JAKMIP1: variants seen among roughly 807,000 people sequenced by gnomAD.
JAKMIP1 encodes the protein janus kinase and microtubule-interacting protein 1.
JAKMIP1 carries 33 observed loss-of-function variants against 113.0 expected under a neutral mutation model. The ratio of observed to expected loss-of-function variants is 0.29; its 90% CI spans 0.22 to 0.39. JAKMIP1 has a LOEUF of 0.39. JAKMIP1 is among the 10% of genes least tolerant of loss of function. The pLI is 1.00. For missense variants in JAKMIP1, 813 were observed against 1,080.5 expected (o/e 0.75, Z 3.47); for synonymous variants, 480 against 459.9 (o/e 1.04, Z -0.56).
rs1715803205 is a variant in JAKMIP1 at position 6,116,495 on chromosome 4, C to T, written c.-147-3498G>A. Among the ~76,000 whole-genome samples the T allele has an allele frequency of 6.6e-6, 1 of 152,246 alleles. No homozygotes were observed. The highest frequency in any genetic ancestry group is 2.4e-5 in the African/African-American group (1 of 41,554). On this transcript the variant is annotated intron_variant, in intron 1 of 20. Coordinates refer to ENST00000409021, the MANE Select transcript of JAKMIP1 (RefSeq NM_001099433.2). This position sits in a 1 kb window ranked among gnomAD's most constrained non-coding sequence, Gnocchi z 5.1. ...CAGAGAAGGCTCCTTCCTGAAGGCA[C>T]GGGGACCTTGGACCTGCTGACCCTG... is the stretch of plus-strand genomic sequence containing the variant.
intron 2 of JAKMIP1, among the ~76,000 whole-genome samples, chr4:6,110,206 G>C (rs766794547): frequency 6.9e-4 from 105 of 152,166 alleles, no homozygotes; most frequent in Non-Finnish European, 1.4e-3. Context: ...GAGGTCATTA[G>C]GGTGGGCCCT....
intron 1 of JAKMIP1, among the ~76,000 whole-genome samples, chr4:6,173,487 AC>A (rs1272589749): frequency 6.6e-6 from 1 of 152,222 alleles, no homozygotes; most frequent in Non-Finnish European, 1.5e-5. Context: ...GGTGACCAAG[AC>A]CACAGGACTG....
intron 17 of JAKMIP1, among the ~76,000 whole-genome samples, chr4:6,041,559 T>A (rs966637121): frequency 1.3e-5 from 2 of 152,100 alleles, no homozygotes; most frequent in African/African-American, 4.8e-5. Flanking sequence ...TCCCCATACA[T>A]CCATAGTCCC....
chr4:6,125,857 C>T (rs1717429755), intron 1 of JAKMIP1, among the ~76,000 whole-genome samples: 1 of 5,692 alleles, frequency 1.8e-4, no homozygotes, highest in Non-Finnish European at 4.0e-4. Context: ...ACCCCCCATA[C>T]AGAAACTCGC....
rs116815437 is a variant in JAKMIP1 at position 6,167,758 on chromosome 4, G to A, written c.-148+32495C>T. Among the ~76,000 whole-genome samples the A allele has an allele frequency of 0.015, 2,328 of 152,278 alleles. 56 individuals are homozygous for A. Among genetic ancestry groups the A allele is most frequent in the African/African-American group, 0.054 (2,225 of 41,542 alleles). ...ACAGATGTGAACTGCCCAAGGGCAC[G>A]CGGCTTTTCCACGGCTCTATGGCTG... On this transcript the variant is annotated intron_variant, in intron 1 of 20. Coordinates refer to ENST00000409021, the MANE Select transcript of JAKMIP1 (RefSeq NM_001099433.2). This position sits in a 1 kb window ranked among gnomAD's most constrained non-coding sequence, Gnocchi z 5.3.
rs553603469 is a variant in JAKMIP1 at position 6,059,056 on chromosome 4, C to T, written c.1644+1368G>A. On this transcript the variant is annotated intron_variant, in intron 11 of 20. Coordinates refer to ENST00000409021, the MANE Select transcript of JAKMIP1 (RefSeq NM_001099433.2). This position sits in a 1 kb window ranked among gnomAD's most constrained non-coding sequence, Gnocchi z 4.8. The stretch of plus-strand genomic sequence containing the variant: ...AGGCACAAAGAGATTATGTTACTTG[C>T]CCAAGGTTATGCAACAAGGAAGTGG... 5.9e-5 allele frequency among the ~76,000 whole-genome samples: 9 copies of T among 152,288 alleles called. No individual in the cohort carries two copies. The highest frequency in any genetic ancestry group is 1.5e-5 in the Non-Finnish European group (1 of 68,022).
Position 6,093,024 on chromosome 4 carries a change from C to T in JAKMIP1, c.625-7395G>A. On this transcript the variant is annotated intron_variant, in intron 3 of 20. Coordinates refer to ENST00000409021, the MANE Select transcript of JAKMIP1 (RefSeq NM_001099433.2). This position sits in a 1 kb window ranked among gnomAD's most constrained non-coding sequence, Gnocchi z 4.6. ...TGGGAATCCAAGTATCACATATCAT[C>T]ATGGCTATTTTAGAGATATGGTTAA... 6.6e-6 allele frequency among the ~76,000 whole-genome samples: 1 copy of T among 152,246 alleles called. No homozygotes were observed. The highest frequency in any genetic ancestry group is 1.9e-4 in the East Asian group (1 of 5,202).
rs1326312721 is a variant in JAKMIP1, at chr4:6,086,579, C to CA, written c.625-951dup. ...GCCGGGTGACAGTGAGGAACCACAC[C>CA]AAAAAAAGTATGCAGAGGAAGTGTC... On this transcript the variant is annotated intron_variant, in intron 3 of 20. Coordinates refer to ENST00000409021, the MANE Select transcript of JAKMIP1 (RefSeq NM_001099433.2). The surrounding 1 kb of genome is among the most constrained non-coding windows in gnomAD (Gnocchi z 4.1). Among the ~76,000 whole-genome samples, 1 of 152,024 alleles carries CA rather than the reference C, an allele frequency of 6.6e-6. No homozygotes were observed. The highest frequency in any genetic ancestry group is 2.1e-4 in the South Asian group (1 of 4,798).
chr4:6,048,002 T>G, intron 16 of JAKMIP1, among the ~76,000 whole-genome samples: 1 of 152,202 alleles, frequency 6.6e-6, no homozygotes, highest in East Asian at 1.9e-4. Context: ...AATGAATGGA[T>G]GGATGGGTGA....
intron 11 of JAKMIP1, among the ~76,000 whole-genome samples, chr4:6,058,766 G>A (rs1162332133): frequency 6.6e-6 from 1 of 152,188 alleles, no homozygotes; most frequent in East Asian, 1.9e-4. Context: ...AAAACTTTTT[G>A]TCTGAATGCT....
At chr4:6,071,069 A>G (rs1174340221) in intron 8 of JAKMIP1, among the ~76,000 whole-genome samples, 2 of 152,278 alleles carry the variant, frequency 1.3e-5, no homozygotes, top group East Asian at 1.9e-4. Flanking sequence ...AGAAATGTAC[A>G]TAGCAAAGTT....
chr4:6,177,984 C>T (rs60046962), intron 1 of JAKMIP1, among the ~76,000 whole-genome samples: 69,147 of 152,120 alleles, frequency 0.45, 17,218 homozygotes, highest in East Asian at 0.73. Flanking sequence ...CAAGTGCATC[C>T]GGCTTCACTT....
chr4:6,159,622 A>G (rs1367029737), intron 1 of JAKMIP1, among the ~76,000 whole-genome samples: 2 of 152,248 alleles, frequency 1.3e-5, no homozygotes, highest in Non-Finnish European at 2.9e-5. Flanking sequence ...TAAAGAAACA[A>G]GAACCAGGAT....
intron 8 of JAKMIP1, among the ~76,000 whole-genome samples, chr4:6,078,517 G>C (rs905570426): frequency 3.3e-5 from 5 of 150,448 alleles, no homozygotes; most frequent in African/African-American, 1.2e-4. Context: ...CTAGGAAATA[G>C]CAAAAGACCT....
intron 3 of JAKMIP1, among the ~76,000 whole-genome samples, chr4:6,095,002 G>A (rs1722606205): frequency 1.5e-5 from 2 of 133,250 alleles, no homozygotes; most frequent in South Asian, 5.0e-4. Context: ...AAAGATAGAA[G>A]AAAAATAAAA....
chr4:6,090,898 C>T (rs1174281065), intron 3 of JAKMIP1, among the ~76,000 whole-genome samples: 1 of 152,028 alleles, frequency 6.6e-6, no homozygotes, highest in African/African-American at 2.4e-5. Flanking sequence ...ACCATGACGT[C>T]CTTAGAGTGT....
chr4:6,169,338 G>T (rs190250600), intron 1 of JAKMIP1, among the ~76,000 whole-genome samples: 1 of 152,110 alleles, frequency 6.6e-6, no homozygotes, highest in Non-Finnish European at 1.5e-5. Flanking sequence ...CCTTATAAAA[G>T]ATACTCAGAC....
Position 6,185,404 on chromosome 4 carries a change from T to C in JAKMIP1, c.-148+14849A>G, listed in dbSNP as rs1726534832. Among the ~76,000 whole-genome samples the C allele has an allele frequency of 6.6e-6, 1 of 151,690 alleles. No homozygotes were observed. Among genetic ancestry groups the C allele is most frequent in the Non-Finnish European group, 1.5e-5 (1 of 67,932 alleles). On this transcript the variant is annotated intron_variant, in intron 1 of 20. Coordinates refer to ENST00000409021, the MANE Select transcript of JAKMIP1 (RefSeq NM_001099433.2). This position sits in a 1 kb window ranked among gnomAD's most constrained non-coding sequence, Gnocchi z 5.3. ...GGCTCACGCCTGTAATCCCAGCACT[T>C]TGGGAGGCCGAGGTGGGCGGATCAT...
intron 1 of JAKMIP1, among the ~76,000 whole-genome samples, chr4:6,145,437 G>C (rs1248928110): frequency 6.6e-6 from 1 of 152,066 alleles, no homozygotes; most frequent in African/African-American, 2.4e-5. Flanking sequence ...AGCTCACACA[G>C]CCTTCACAGT....
Sources: gnomAD v4.1 joint callset for allele counts (sites outside exome capture counted in the v4.1 genomes callset) on GRCh38, gnomAD v4.1.1 for gene constraint, Gnocchi (gnomAD v3.1) non-coding constraint, MANE v1.5 for transcripts, NCBI Gene and HGNC (gene_info 2026-07-23, HGNC 2026-07-21) for gene names.